Variants in CDK16 observed in about 807,000 individuals in gnomAD.
CDK16 encodes cyclin dependent kinase 16, also known as cyclin-dependent kinase 16.
A neutral mutation model predicts 41.6 loss-of-function variants in CDK16; 2 were observed. The ratio of observed to expected loss-of-function variants is 0.05; its 90% CI spans 0.02 to 0.15. CDK16 has a LOEUF of 0.15. Ranked by LOEUF, CDK16 falls within the 10% of genes least tolerant of loss-of-function variation. The pLI is 1.00. For missense variants in CDK16, 228 were observed against 428.9 expected, an observed-to-expected ratio of 0.53 and a Z score of 4.14; for synonymous variants, 169 against 169.7, an observed-to-expected ratio of 1.00 and a Z score of 0.03.
At position 47,219,068 on chromosome X, in the gene CDK16, G is replaced by A; in HGVS notation, c.-44G>A. On this transcript the variant is annotated 5_prime_UTR_variant, in exon 1 of 16. Transcript: ENST00000357227. ...CCGCCGCCCCAGGCGCCGCCGCGCC[G>A]GCCCCGCGGCTCTGAGGTTGCTCGC... 3 of 818,804 alleles carry A rather than the reference G, an allele frequency of 3.7e-6. No individual in the cohort carries two copies. The highest frequency in any genetic ancestry group is 4.4e-6 in the Non-Finnish European group (3 of 682,745). 67.5% of individuals were successfully genotyped at this position (818,804 alleles called of 1,213,427 possible). A position where few individuals can be genotyped will look rare whatever the true frequency, so the allele number is the denominator to read the frequency against.
intron 1 of CDK16, chrX:47,222,844 C>G: frequency 2.3e-6 from 1 of 428,240 alleles, no homozygotes; most frequent in Non-Finnish European, 4.0e-6. Flanking sequence ...CTAACCTGAT[C>G]AAACCGTTCT....
intron 12 of CDK16, 23 bp downstream of exon 12, chrX:47,227,122 C>T (rs1251398321): frequency 5.8e-6 from 7 of 1,203,666 alleles, no homozygotes; most frequent in African/African-American, 1.8e-5. Context: ...GGTGGGTGGG[C>T]GTTAGGGGCC....
intron 1 of CDK16, chrX:47,222,957 T>TCC (rs757819833): frequency 3.3e-5 from 8 of 244,966 alleles, no homozygotes; most frequent in Non-Finnish European, 1.7e-5. Flanking sequence ...CACGCTCCCC[T>TCC]CCCCCCCCCC....
At chrX:47,225,131 G>C (rs773209253) in intron 6 of CDK16, 29 bp downstream of exon 6, 39 of 1,058,779 alleles carry the variant, frequency 3.7e-5, no homozygotes, top group Non-Finnish European at 4.3e-5. Flanking sequence ...TCTGCCCCAG[G>C]CTTCCCCAAC....
In CDK16 at chrX:47,218,946, G is replaced by A; in HGVS notation, c.-166G>A. 1 of 992,101 alleles carries A rather than the reference G, an allele frequency of 1.0e-6. No individual in the cohort carries two copies. The highest frequency in any genetic ancestry group is 1.3e-6 in the Non-Finnish European group (1 of 787,870). 81.8% of individuals were successfully genotyped at this position (992,101 alleles called of 1,213,427 possible). On this transcript the variant is annotated 5_prime_UTR_variant, in exon 1 of 16. Coordinates refer to ENST00000357227, the MANE Select transcript of CDK16 (RefSeq NM_006201.5). The stretch of plus-strand genomic sequence containing the variant: ...CGCCGCCGCCTCCTCCTCCTCAGCC[G>A]GCGGCGGCCCGGGCCCAGCAACCAT...
At position 47,218,793 on chromosome X, in the gene CDK16, C is replaced by T; in HGVS notation, c.-319C>T. On this transcript the variant is annotated 5_prime_UTR_variant, in exon 1 of 16. Coordinates refer to ENST00000357227, the MANE Select transcript of CDK16 (RefSeq NM_006201.5). Reference sequence around the variant, plus strand: ...CCGCCGCCACTCCGCGATCAGACCGCTCTGTGCCGCGAGCCGCCGTGAGCA... The same window carrying T: ...CCGCCGCCACTCCGCGATCAGACCGTTCTGTGCCGCGAGCCGCCGTGAGCA... 4.3e-6 allele frequency: 5 copies of T among 1,151,411 alleles called. No individual in the cohort carries two copies. The highest frequency in any genetic ancestry group is 5.8e-6 in the Non-Finnish European group (5 of 869,255). 94.9% of individuals were successfully genotyped at this position (1,151,411 alleles called of 1,213,427 possible). A position where few individuals can be genotyped will look rare whatever the true frequency, so the allele number is the denominator to read the frequency against.
intron 1 of CDK16, chrX:47,223,028 AG>A: frequency 1.8e-6 from 2 of 1,127,376 alleles, no homozygotes; most frequent in Non-Finnish European, 2.3e-6. Context: ...TAGAGAAGTC[AG>A]GAAGAGGGTC....
chrX:47,218,654 T>C (rs781786819), upstream of CDK16: 11 of 1,167,963 alleles, frequency 9.4e-6, no homozygotes, highest in South Asian at 1.9e-5. Context: ...CTTTGGTACA[T>C]GCAGTCCGAG....
At chrX:47,218,489 T>C, upstream of CDK16, 1 of 723,884 alleles carries the variant, frequency 1.4e-6, no homozygotes, top group East Asian at 3.7e-5. Flanking sequence ...GCCAGGTTAC[T>C]GGCCACTGCT....
Position 47,228,617 on chromosome X carries a change from C to A in CDK16, c.1426C>A (p.Leu476Ile), listed in dbSNP as rs777887326. ...KEIQLQKEAS[L>I]RSSSMPDSGR... Reference sequence around the variant, plus strand: ...GATTCAGCTACAAAAGGAGGCCAGCCTTCGGTCTTCGTCGATGCCTGACTC... The same window carrying A: ...GATTCAGCTACAAAAGGAGGCCAGCATTCGGTCTTCGTCGATGCCTGACTC... The change falls in exon 15 of 16, where the codon CTT becomes ATT. Residue 476 changes from leucine (L) to isoleucine (I), a missense_variant. Physicochemically the swap from Leu to Ile is conservative, Grantham distance 5. Around this residue, in one of 3 missense-constraint regions of CDK16, gnomAD observed 91 missense variants for 129.5 expected, o/e 0.70. Coordinates refer to ENST00000357227, the MANE Select transcript of CDK16 (RefSeq NM_006201.5). 1.3e-5 allele frequency: 16 copies of A among 1,209,488 alleles called. No individual in the cohort carries two copies. The highest frequency in any genetic ancestry group is 5.9e-5 in the East Asian group (2 of 33,781).
rs1423110352 is a variant in CDK16, at chrX:47,225,088, C to T, written c.620C>T (p.Thr207Ile). The T allele has an allele frequency of 8.4e-7, 1 of 1,196,494 alleles. No individual in the cohort carries two copies. The highest frequency in any genetic ancestry group is 1.1e-6 in the Non-Finnish European group (1 of 885,582). Residue 207 changes from threonine to isoleucine, a missense_variant, in exon 6 of 16, where the codon ACC becomes ATC. Thr to Ile is a moderately conservative substitution (Grantham distance 89). Transcript: ENST00000357227. ...GAACATGAAGAGGGGGCACCCTGCA[C>T]CGCCATCCGGGAAGGTACACACCCC... is the stretch of plus-strand genomic sequence containing the variant. ...RLEHEEGAPCTAIREVSLLKD... is the reference protein window; with the variant it reads ...RLEHEEGAPCIAIREVSLLKD...
intron 1 of CDK16, chrX:47,222,797 C>G: frequency 3.2e-6 from 1 of 315,418 alleles, no homozygotes; most frequent in South Asian, 7.6e-5. Flanking sequence ...AGAAATGTGA[C>G]TTGGCTTGTA....
In CDK16 at chrX:47,227,162, C is replaced by A. The variant is rs1328291843; in HGVS notation, c.1242-19C>A. ...TGTCCAAACTCATTTTAAATCAGGT[C>A]TCTTTGTCCTTGTGGCAGACTTGAT... On this transcript the variant is annotated intron_variant, in intron 12 of 15. Coordinates refer to ENST00000357227, the MANE Select transcript of CDK16 (RefSeq NM_006201.5). 1.7e-6 allele frequency: 2 copies of A among 1,207,911 alleles called. No individual in the cohort carries two copies. Among genetic ancestry groups the A allele is most frequent in the East Asian group, 3.0e-5 (1 of 33,708 alleles).
intron 1 of CDK16, chrX:47,222,958 C>T: frequency 3.3e-6 from 1 of 304,096 alleles, no homozygotes; most frequent in Non-Finnish European, 4.5e-6. Flanking sequence ...ACGCTCCCCT[C>T]CCCCCCCCCA....
At position 47,227,069 on chromosome X, in the gene CDK16, G is replaced by A. The variant is rs201700260; in HGVS notation, c.1211G>A (p.Arg404Gln). The A allele has an allele frequency of 8.3e-6, 10 of 1,210,208 alleles. No homozygotes were observed. The highest frequency in any genetic ancestry group is 5.3e-5 in the South Asian group (3 of 56,839). The change falls in exon 12 of 16, where the codon CGA becomes CAA. Residue 404 changes from arginine (R) to glutamine (Q), a missense_variant. Coordinates refer to ENST00000357227, the MANE Select transcript of CDK16 (RefSeq NM_006201.5). ...EFKTYNYPKY[R>Q]AEALLSHAPR... ...AAGACATACAACTACCCCAAGTACC[G>A]AGCCGAGGCCCTTTTGAGCCACGCA... is the stretch of plus-strand genomic sequence containing the variant.
rs2147340963 is a variant in CDK16 at position 47,228,974 on chromosome X, G to C, written c.*206G>C. On this transcript the variant is annotated 3_prime_UTR_variant, in exon 16 of 16. Transcript: ENST00000357227. ...GGCCTGTCTGCTGGGTGCTAACAAA[G>C]CTCTCATCACTCCTTCACTTGGTCT... The C allele has an allele frequency of 2.0e-6, 1 of 500,139 alleles. No individual in the cohort carries two copies. The highest frequency in any genetic ancestry group is 2.7e-5 in the Admixed American group (1 of 36,846). The allele number at this position is 500,139 out of a possible 1,213,427, so 41.2% of individuals were successfully genotyped here. A position where few individuals can be genotyped will look rare whatever the true frequency, so the allele number is the denominator to read the frequency against.
At position 47,224,458 on chromosome X, in the gene CDK16, G is replaced by A. The variant is rs200900337; in HGVS notation, c.276G>A (p.Glu92=). The A allele has an allele frequency of 5.1e-5, 62 of 1,205,770 alleles. No homozygotes were observed. The Admixed American group carries it at 1.1e-3, about 21-fold the overall frequency. ...AGGCTTCAGCCACGTCCTCGGATGA[G>A]GTGCAGTCTCCAGTGAGAGTGCGTA... ...SDQASATSSD[E]VQSPVRVRMR... is the part of the protein sequence containing the mutation. The change falls in exon 3 of 16, where the codon GAG becomes GAA. Residue 92 remains glutamate (E), a synonymous_variant. Coordinates refer to ENST00000357227, the MANE Select transcript of CDK16 (RefSeq NM_006201.5).
Position 47,219,037 on chromosome X carries a change from C to G in CDK16, c.-75C>G. The G allele has an allele frequency of 1.2e-6, 1 of 830,108 alleles. No homozygotes were observed. The highest frequency in any genetic ancestry group is 1.4e-6 in the Non-Finnish European group (1 of 690,008). 68.4% of individuals were successfully genotyped at this position (830,108 alleles called of 1,213,427 possible). On this transcript the variant is annotated 5_prime_UTR_variant, in exon 1 of 16. In the 5' UTR this introduces an upstream ATG that the reference lacks. Coordinates refer to ENST00000357227, the MANE Select transcript of CDK16 (RefSeq NM_006201.5). ...GGAGAAGGAGGTCGCGCGGCCTCAT[C>G]CCGGGCCGCCGCCCCAGGCGCCGCC...
intron 14 of CDK16, 156 bp downstream of exon 14, chrX:47,227,625 A>AT (rs2055254690): frequency 2.2e-6 from 1 of 446,130 alleles, no homozygotes; most frequent in Admixed American, 4.4e-5. Context: ...TTATGAAAAC[A>AT]TTTTTTAGTT....
Sources: allele counts gnomAD v4.1 joint callset, GRCh38; gene constraint gnomAD v4.1.1; regional missense constraint gnomAD v4.1.1; transcripts MANE v1.5; gene names NCBI Gene and HGNC (gene_info 2026-07-23, HGNC 2026-07-21).